Variants in QKI observed in about 807,000 individuals in gnomAD.
QKI encodes the protein KH domain-containing RNA-binding protein QKI.
In QKI, 10 loss-of-function variants were observed where a neutral mutation model predicts 39.0. That is an observed-to-expected ratio of 0.26 (90% CI 0.16 to 0.43). QKI has a LOEUF of 0.43. QKI is among the 20% of genes least tolerant of loss of function. The pLI, the probability that QKI is intolerant of heterozygous loss-of-function variation, is 1.00. For missense variants in QKI, 218 were observed against 428.0 expected, an observed-to-expected ratio of 0.51 and a Z score of 4.33; for synonymous variants, 204 against 155.4, an observed-to-expected ratio of 1.31 and a Z score of -2.33.
chr6:163,438,705 T>G (rs1231759588), intron 1 of QKI, among the ~76,000 whole-genome samples: 3 of 151,912 alleles, frequency 2.0e-5, no homozygotes, highest in African/African-American at 7.3e-5. Context: ...AAATGGGGCT[T>G]GCAGGACTGG....
chr6:163,484,752 C>T (rs1467293706), intron 3 of QKI, among the ~76,000 whole-genome samples: 7 of 152,038 alleles, frequency 4.6e-5, no homozygotes, highest in Non-Finnish European at 1.0e-4. Flanking sequence ...TGGTGTGCCC[C>T]AGAACAATTA....
At chr6:163,546,873 G>A in intron 4 of QKI, among the ~76,000 whole-genome samples, 1 of 151,938 alleles carries the variant, frequency 6.6e-6, no homozygotes, top group Non-Finnish European at 1.5e-5. Context: ...AAACCATATT[G>A]CCAAATTATA....
At chr6:163,443,650 A>G (rs758779908) in intron 1 of QKI, among the ~76,000 whole-genome samples, 5 of 152,238 alleles carry the variant, frequency 3.3e-5, no homozygotes, top group Non-Finnish European at 7.3e-5. Context: ...GTCTTTTGAC[A>G]TGTATTTTCT....
chr6:163,420,752 C>T (rs1020302907), intron 1 of QKI, among the ~76,000 whole-genome samples: 4 of 152,108 alleles, frequency 2.6e-5, no homozygotes, highest in African/African-American at 9.7e-5. Context: ...TCGTGTTTTA[C>T]AGTTATATTT....
At chr6:163,436,568 C>CT (rs543966943) in intron 1 of QKI, among the ~76,000 whole-genome samples, 9 of 152,044 alleles carry the variant, frequency 5.9e-5, no homozygotes, top group Non-Finnish European at 1.3e-4. Context: ...AATCCCAGCA[C>CT]TTTGGGAGGC....
chr6:163,514,684 A>G (rs1291453428), intron 3 of QKI, among the ~76,000 whole-genome samples: 3 of 152,204 alleles, frequency 2.0e-5, no homozygotes, highest in African/African-American at 7.2e-5. Flanking sequence ...AGAAATTTAC[A>G]TGAGAAGTGG....
rs115152620 is a variant in QKI at position 163,511,124 on chromosome 6, C to T, written c.403-23858C>T. 4.0e-3 allele frequency among the ~76,000 whole-genome samples: 611 copies of T among 152,146 alleles called. 3 individuals are homozygous for T. Among genetic ancestry groups the T allele is most frequent in the African/African-American group, 0.014 (576 of 41,508 alleles). On this transcript the variant is annotated intron_variant, in intron 3 of 7. Transcript: ENST00000361752. ...AATTTCAAGTATTTGGAAAGTGACA[C>T]ACTTTTTTGTAATCAGTTGGTCAAG... is the stretch of plus-strand genomic sequence containing the variant.
At chr6:163,564,838 T>G in intron 6 of QKI, 1 of 1,550,076 alleles carries the variant, frequency 6.5e-7, no homozygotes, top group South Asian at 1.2e-5. Context: ...CTGAATTGTA[T>G]ATGACCTTGG....
chr6:163,522,755 G>A (rs1271828353), intron 3 of QKI, among the ~76,000 whole-genome samples: 1 of 152,096 alleles, frequency 6.6e-6, no homozygotes, highest in Non-Finnish European at 1.5e-5. Context: ...ACATAAATAC[G>A]TATTCCTGAA....
intron 7 of QKI, chr6:163,568,923 T>G: frequency 2.0e-6 from 2 of 985,886 alleles, no homozygotes; most frequent in South Asian, 9.4e-5. Context: ...GAGGATGTAG[T>G]CTAGGTGTCC....
chr6:163,567,215 C>T (rs1425740982), intron 7 of QKI: 1 of 989,294 alleles, frequency 1.0e-6, no homozygotes, highest in African/African-American at 1.7e-5. Context: ...TATATGCCTC[C>T]TGTGTACTTT....
intron 2 of QKI, among the ~76,000 whole-genome samples, chr6:163,466,473 C>T (rs1226652780): frequency 6.6e-6 from 1 of 152,036 alleles, no homozygotes; most frequent in Non-Finnish European, 1.5e-5. Flanking sequence ...GAAGACATTG[C>T]AGTTCCTGAT....
At chr6:163,526,964 G>T (rs1220283868) in intron 3 of QKI, among the ~76,000 whole-genome samples, 1 of 152,146 alleles carries the variant, frequency 6.6e-6, no homozygotes, top group Non-Finnish European at 1.5e-5. Context: ...GGAGATAGAT[G>T]TTACAGTCCT....
intron 2 of QKI, among the ~76,000 whole-genome samples, chr6:163,465,699 G>C (rs1413497154): frequency 6.6e-6 from 1 of 151,626 alleles, no homozygotes; most frequent in African/African-American, 2.4e-5. Context: ...ATTTGCAGTG[G>C]CATAATCTTG....
chr6:163,429,923 C>CA (rs1167284879), intron 1 of QKI, among the ~76,000 whole-genome samples: 1 of 151,888 alleles, frequency 6.6e-6, no homozygotes, highest in Non-Finnish European at 1.5e-5. Flanking sequence ...ATAAGAGTAA[C>CA]AAAGGAAATA....
chr6:163,480,721 GA>G (rs1304683913), intron 3 of QKI, among the ~76,000 whole-genome samples: 1 of 152,136 alleles, frequency 6.6e-6, no homozygotes, highest in Non-Finnish European at 1.5e-5. Context: ...CTTTTCAAAT[GA>G]ACGTTGCCAT....
chr6:163,481,528 C>T (rs1793076104), intron 3 of QKI, among the ~76,000 whole-genome samples: 2 of 152,048 alleles, frequency 1.3e-5, no homozygotes, highest in Admixed American at 1.3e-4. Context: ...TTAGGTGTAC[C>T]TTCCCTCATG....
chr6:163,455,996 A>G (rs1345689479), intron 2 of QKI, among the ~76,000 whole-genome samples: 4 of 152,014 alleles, frequency 2.6e-5, no homozygotes, highest in Admixed American at 2.0e-4. Flanking sequence ...GGTCCATTCT[A>G]TTTCTCTGGC....
chr6:163,474,944 C>T (rs1792480673), intron 2 of QKI, among the ~76,000 whole-genome samples: 2 of 143,840 alleles, frequency 1.4e-5, no homozygotes, highest in South Asian at 4.1e-4. Context: ...TGAGAGATAA[C>T]TTAACCAAAT....
Sources: gnomAD v4.1 joint callset for allele counts (sites outside exome capture counted in the v4.1 genomes callset) on GRCh38, gnomAD v4.1.1 for gene constraint, MANE v1.5 for transcripts, NCBI Gene and HGNC (gene_info 2026-07-23, HGNC 2026-07-21) for gene names.